Variants in MAPK9 observed in about 807,000 individuals in gnomAD.
MAPK9 encodes the protein Jun kinase.
MAPK9 carries 30 observed loss-of-function variants against 57.1 expected under a neutral mutation model. The ratio of observed to expected loss-of-function variants is 0.53; its 90% CI spans 0.39 to 0.71. The LOEUF is 0.71. MAPK9 is among the 30% of genes least tolerant of loss of function. MAPK9 has a pLI of 0.00. For synonymous variants in MAPK9, 155 were observed against 177.0 expected, an observed-to-expected ratio of 0.88 and a Z score of 0.99; for missense variants, 362 against 521.0, an observed-to-expected ratio of 0.69 and a Z score of 2.97.
chr5:180,253,172 C>T (rs34428073), intron 5 of MAPK9, among the ~76,000 whole-genome samples: 60,862 of 152,086 alleles, frequency 0.4, 12,545 homozygotes, highest in African/African-American at 0.46. Flanking sequence ...TGTGTGACAC[C>T]GGAGGCCCTC....
intron 9 of MAPK9, among the ~76,000 whole-genome samples, 173 bp from the exon 10 acceptor site, chr5:180,240,160 C>A (rs1210076504): frequency 6.6e-6 from 1 of 152,154 alleles, no homozygotes; most frequent in Non-Finnish European, 1.5e-5. Flanking sequence ...ACTTTAGAAT[C>A]AAAATAATTA....
In MAPK9 at chr5:180,248,030, G is replaced by A. The variant is rs375963162; in HGVS notation, c.617-520C>T. On this transcript the variant is annotated intron_variant, in intron 6 of 11. Coordinates refer to ENST00000452135, the MANE Select transcript of MAPK9 (RefSeq NM_002752.5). The stretch of plus-strand genomic sequence containing the variant: ...GTACACGTCACTAGCTTGCCGGCGG[G>A]AGCCTCTGTGCGTTGTTGATACCAC... The A allele has an allele frequency of 8.7e-4, 907 of 1,046,946 alleles. 2 individuals carry two copies. Among genetic ancestry groups the A allele is most frequent in the Non-Finnish European group, 1.2e-3 (854 of 722,346 alleles). 64.9% of individuals were successfully genotyped at this position (1,046,946 alleles called of 1,614,324 possible).
chr5:180,287,114 A>G (rs1212831576), intron 1 of MAPK9: 3 of 152,272 alleles, frequency 2.0e-5, no homozygotes, highest in Non-Finnish European at 4.4e-5. Flanking sequence ...AGTACTTGCC[A>G]GCAGTTATGA....
chr5:180,284,858 T>C (rs1159087467), intron 1 of MAPK9, among the ~76,000 whole-genome samples: 1 of 152,080 alleles, frequency 6.6e-6, no homozygotes. Context: ...AGAAAGGAAA[T>C]ACACCAAGTT....
intron 5 of MAPK9, chr5:180,258,403 A>G (rs933386069): frequency 6.6e-6 from 1 of 152,324 alleles, no homozygotes; most frequent in Non-Finnish European, 1.5e-5. Context: ...TGTGTTTAAG[A>G]AATATGGTAA....
At chr5:180,285,192 T>G (rs78134565) in intron 1 of MAPK9, among the ~76,000 whole-genome samples, 1,551 of 152,302 alleles carry the variant, frequency 0.01, 28 homozygotes, top group African/African-American at 0.035. Flanking sequence ...AGAAGCATAT[T>G]ACTATCCCCG....
rs769536181 is a variant in MAPK9, at chr5:180,236,553, A to G, written c.1133-27T>C. On this transcript the variant is annotated intron_variant, in intron 11 of 11. Coordinates refer to ENST00000452135, the MANE Select transcript of MAPK9 (RefSeq NM_002752.5). Reference sequence around the variant, plus strand: ...TGTGCTAAGAAAACCAAATATAATAAAATCTGAGGCACGACATTGCTGCAA... The same window carrying G: ...TGTGCTAAGAAAACCAAATATAATAGAATCTGAGGCACGACATTGCTGCAA... 4 of 1,602,224 alleles carry G rather than the reference A, an allele frequency of 2.5e-6. No individual in the cohort carries two copies. In the Admixed American group the frequency reaches 6.7e-5, roughly 27 times the overall value.
At chr5:180,271,022 T>C (rs906845482) in intron 2 of MAPK9, among the ~76,000 whole-genome samples, 1 of 152,094 alleles carries the variant, frequency 6.6e-6, no homozygotes, top group African/African-American at 2.4e-5. Context: ...ATGTATTGTA[T>C]TCTTGAAAAT....
In MAPK9 at chr5:180,280,423, A is replaced by T; in HGVS notation, c.122+17T>A. The T allele has an allele frequency of 6.2e-7, 1 of 1,612,684 alleles. No individual in the cohort carries two copies. Reference sequence around the variant, plus strand: ...AGCAAAAACTCAATCCACGCTATTAAAACAGACCATACTTACCAAACAATC... The same window carrying T: ...AGCAAAAACTCAATCCACGCTATTATAACAGACCATACTTACCAAACAATC... On this transcript the variant is annotated intron_variant, in intron 2 of 11. Transcript: ENST00000452135.
At chr5:180,242,354 A>G (rs1391350671) in intron 8 of MAPK9, among the ~76,000 whole-genome samples, 2 of 152,134 alleles carry the variant, frequency 1.3e-5, no homozygotes, top group Non-Finnish European at 2.9e-5. Flanking sequence ...GACTGATTTG[A>G]TTATTTTTAT....
At position 180,236,209 on chromosome 5, in the gene MAPK9, G is replaced by T; in HGVS notation, c.*175C>A. 1.7e-6 allele frequency: 1 copy of T among 584,886 alleles called. No homozygotes were observed. Among genetic ancestry groups the T allele is most frequent in the Non-Finnish European group, 2.6e-6 (1 of 381,826 alleles). 36.2% of individuals were successfully genotyped at this position (584,886 alleles called of 1,614,324 possible). On this transcript the variant is annotated 3_prime_UTR_variant, in exon 12 of 12. Transcript: ENST00000452135. Reference sequence around the variant, plus strand: ...CAATTTTTTTCTTCAGACATATTCTGCCTCATTTTATCATCTAAGCAGGCA... The same window carrying T: ...CAATTTTTTTCTTCAGACATATTCTTCCTCATTTTATCATCTAAGCAGGCA...
intron 2 of MAPK9, among the ~76,000 whole-genome samples, chr5:180,272,235 AAT>A (rs1485129027): frequency 6.6e-6 from 1 of 152,196 alleles, no homozygotes; most frequent in Non-Finnish European, 1.5e-5. Context: ...ATCCTCAAGG[AAT>A]TTCCTCAGAA....
At chr5:180,288,831 G>A (rs1762995028) in intron 1 of MAPK9, among the ~76,000 whole-genome samples, 1 of 152,188 alleles carries the variant, frequency 6.6e-6, no homozygotes. Flanking sequence ...GGGTGCAAGT[G>A]GATACCATTA....
chr5:180,252,305 T>C (rs1439751578), intron 5 of MAPK9, among the ~76,000 whole-genome samples: 1 of 152,172 alleles, frequency 6.6e-6, no homozygotes, highest in Non-Finnish European at 1.5e-5. Flanking sequence ...GAGGCCTTAT[T>C]AATCTGCTCC....
chr5:180,236,584 G>A, intron 11 of MAPK9, 58 bp from the exon 12 acceptor site: 1 of 1,580,014 alleles, frequency 6.3e-7, no homozygotes, highest in Non-Finnish European at 8.7e-7. Context: ...TGCAAATCCA[G>A]GCAGCGAGAC....
In MAPK9 at chr5:180,239,877, T is replaced by C. The variant is rs560615543; in HGVS notation, c.1060+47A>G. ...AATGAAAAGCCTCTGCTCTACAGGATTGGAAGAAATGTCAAAAGGAAGGAT... is the reference window on the plus strand; with the variant it reads ...AATGAAAAGCCTCTGCTCTACAGGACTGGAAGAAATGTCAAAAGGAAGGAT... On this transcript the variant is annotated intron_variant, in intron 10 of 11. Transcript: ENST00000452135. 7.9e-5 allele frequency: 124 copies of C among 1,561,548 alleles called. 1 individual carries two copies. In the South Asian group the frequency reaches 1.2e-3, roughly 15 times the overall value.
At chr5:180,272,765 A>C (rs1234618936) in intron 2 of MAPK9, among the ~76,000 whole-genome samples, 1 of 152,158 alleles carries the variant, frequency 6.6e-6, no homozygotes, top group East Asian at 1.9e-4. Context: ...AGTTGTTTTT[A>C]GTTTTCAATC....
At chr5:180,283,870 G>T (rs1459946331) in intron 1 of MAPK9, among the ~76,000 whole-genome samples, 1 of 152,214 alleles carries the variant, frequency 6.6e-6, no homozygotes, top group Non-Finnish European at 1.5e-5. Context: ...GGGAGGTGGA[G>T]ATTGCAGTGA....
intron 9 of MAPK9, 104 bp from the exon 10 acceptor site, chr5:180,240,091 T>C (rs1757524360): frequency 2.5e-6 from 2 of 806,754 alleles, no homozygotes; most frequent in Admixed American, 2.1e-5. Flanking sequence ...ATTTATGATA[T>C]GGATTTAGTT....
Sources: allele counts gnomAD v4.1 joint callset (sites outside exome capture counted in the v4.1 genomes callset), GRCh38; gene constraint gnomAD v4.1.1; transcripts MANE v1.5; gene names NCBI Gene and HGNC (gene_info 2026-07-23, HGNC 2026-07-21).